EXOC4: variants seen among roughly 807,000 people sequenced by gnomAD.
EXOC4 encodes SEC8-like 1.
In EXOC4, 71 loss-of-function variants were observed where a neutral mutation model predicts 107.2. That is an observed-to-expected ratio of 0.66 (90% CI 0.55 to 0.81). The LOEUF (loss-of-function observed/expected upper bound fraction) is 0.81, where lower values mean the gene tolerates loss of function less well. Ranked by LOEUF, EXOC4 falls within the 30% of genes least tolerant of loss-of-function variation. EXOC4 has a pLI of 0.00. For synonymous variants in EXOC4, 456 were observed against 441.2 expected (o/e 1.03, Z -0.42); for missense variants, 1,108 against 1,189.6 (o/e 0.93, Z 1.01).
chr7:134,052,215 G>A (rs1276862832), intron 17 of EXOC4, among the ~76,000 whole-genome samples: 1 of 152,186 alleles, frequency 6.6e-6, no homozygotes, highest in Non-Finnish European at 1.5e-5. Context: ...GGGAGAGATG[G>A]AGTGGACATG....
chr7:133,755,981 C>A (rs543403686), intron 10 of EXOC4, among the ~76,000 whole-genome samples: 6 of 152,248 alleles, frequency 3.9e-5, no homozygotes, highest in African/African-American at 1.4e-4. Flanking sequence ...TAGTCTGATA[C>A]TAATGAAATA....
At chr7:133,498,266 C>A (rs188316301) in intron 9 of EXOC4, among the ~76,000 whole-genome samples, 16 of 152,266 alleles carry the variant, frequency 1.1e-4, no homozygotes, top group African/African-American at 3.6e-4. Context: ...AAGTGCCTTA[C>A]AAACCCATTT....
chr7:133,677,452 T>C (rs1794089233), intron 10 of EXOC4, among the ~76,000 whole-genome samples: 1 of 152,140 alleles, frequency 6.6e-6, no homozygotes, highest in Non-Finnish European at 1.5e-5. Flanking sequence ...ATATATTGTG[T>C]ACACTTAAAA....
the EXOC4 span, among the ~76,000 whole-genome samples, chr7:134,091,119 G>T: frequency 6.6e-6 from 1 of 152,212 alleles, no homozygotes; most frequent in African/African-American, 2.4e-5. Flanking sequence ...CCCAAGAGAA[G>T]GTTCTTGGAT....
chr7:133,759,119 A>G (rs188377840), intron 10 of EXOC4, among the ~76,000 whole-genome samples: 1 of 151,592 alleles, frequency 6.6e-6, no homozygotes, highest in Admixed American at 6.6e-5. Context: ...GCTAATTTAA[A>G]ACAAACAAAC....
At chr7:133,460,418 A>G (rs1196965541) in intron 7 of EXOC4, among the ~76,000 whole-genome samples, 1 of 152,156 alleles carries the variant, frequency 6.6e-6, no homozygotes, top group African/African-American at 2.4e-5. Context: ...TTTACTGTAA[A>G]CTTACTTAAA....
intron 10 of EXOC4, among the ~76,000 whole-genome samples, chr7:133,723,493 T>TTTTGTTTG (rs10670766): frequency 7.3e-5 from 11 of 150,894 alleles, no homozygotes; most frequent in South Asian, 2.1e-4. Context: ...TTTCTTTCTT[T>TTTTGTTTG]TTTGTTTGTT....
intron 9 of EXOC4, among the ~76,000 whole-genome samples, chr7:133,501,983 GAATT>G (rs566707133): frequency 8.9e-4 from 135 of 152,196 alleles, no homozygotes; most frequent in African/African-American, 3.2e-3. Context: ...TTATGACTGA[GAATT>G]AATTAGAGAA....
chr7:133,825,743 T>C (rs1330772859), intron 11 of EXOC4, among the ~76,000 whole-genome samples: 1 of 152,212 alleles, frequency 6.6e-6, no homozygotes, highest in Admixed American at 6.5e-5. Flanking sequence ...TGGTAGAGAA[T>C]AGATTCAGCT....
intron 10 of EXOC4, among the ~76,000 whole-genome samples, chr7:133,681,634 C>T (rs1000007505): frequency 3.9e-5 from 6 of 152,042 alleles, no homozygotes; most frequent in Admixed American, 6.6e-5. Context: ...CCTCCTGGGT[C>T]CCCCCTACAA....
chr7:133,949,822 A>G (rs991923818), intron 14 of EXOC4, among the ~76,000 whole-genome samples: 2 of 152,168 alleles, frequency 1.3e-5, no homozygotes, highest in East Asian at 3.8e-4. Flanking sequence ...ATATTTCCAA[A>G]CCAGCCAGAT....
At chr7:133,319,076 C>G (rs1795052712) in intron 5 of EXOC4, among the ~76,000 whole-genome samples, 1 of 152,148 alleles carries the variant, frequency 6.6e-6, no homozygotes, top group African/African-American at 2.4e-5. Flanking sequence ...TACATCTTTG[C>G]TTTTTTGTAA....
intron 1 of EXOC4, among the ~76,000 whole-genome samples, chr7:133,274,136 C>A (rs755051396): frequency 6.6e-6 from 1 of 152,182 alleles, no homozygotes; most frequent in Non-Finnish European, 1.5e-5. Flanking sequence ...TGATTCATAT[C>A]AATCTTGTTA....
intron 17 of EXOC4, among the ~76,000 whole-genome samples, chr7:134,056,564 T>A (rs148462434): frequency 1.6e-3 from 242 of 152,290 alleles, no homozygotes; most frequent in Middle Eastern, 0.01. Flanking sequence ...GAATAATTAT[T>A]CATACAAATG....
At chr7:133,847,212 G>A (rs965637150) in intron 11 of EXOC4, among the ~76,000 whole-genome samples, 14 of 151,880 alleles carry the variant, frequency 9.2e-5, no homozygotes, top group Non-Finnish European at 1.3e-4. Context: ...GTTAACCATA[G>A]TCACCCTACT....
intron 5 of EXOC4, among the ~76,000 whole-genome samples, chr7:133,354,638 T>C (rs1795984761): frequency 6.6e-6 from 1 of 152,130 alleles, no homozygotes; most frequent in Non-Finnish European, 1.5e-5. Context: ...ACGTGCCTCT[T>C]TGTACCTCTG....
intron 11 of EXOC4, among the ~76,000 whole-genome samples, chr7:133,867,174 C>G (rs1204263412): frequency 2.0e-5 from 3 of 152,208 alleles, no homozygotes; most frequent in Admixed American, 6.5e-5. Flanking sequence ...CAAGCCCTGG[C>G]CCTCCCATTC....
At chr7:133,420,430 C>T (rs544103044) in intron 7 of EXOC4, among the ~76,000 whole-genome samples, 1 of 152,134 alleles carries the variant, frequency 6.6e-6, no homozygotes, top group South Asian at 2.1e-4. Flanking sequence ...TCTTGCTGCT[C>T]CAGGATTCAT....
At chr7:133,817,598 C>T in intron 11 of EXOC4, 54 bp downstream of exon 11, 1 of 1,298,830 alleles carries the variant, frequency 7.7e-7, no homozygotes, top group Non-Finnish European at 1.1e-6. Context: ...ATTGACTTGG[C>T]AAGTGTCATA....
Sources: gnomAD v4.1 joint callset for allele counts (sites outside exome capture counted in the v4.1 genomes callset) on GRCh38, gnomAD v4.1.1 for gene constraint, MANE v1.5 for transcripts, NCBI Gene and HGNC (gene_info 2026-07-23, HGNC 2026-07-21) for gene names.